The following CACNA1E variants were observed in gnomAD, a reference collection of about 807,000 sequenced individuals.
CACNA1E encodes voltage-dependent R-type calcium channel subunit alpha-1E.
CACNA1E carries 40 observed loss-of-function variants against 259.2 expected under a neutral mutation model. The observed-to-expected ratio is 0.15, with a 90% confidence interval of 0.12 to 0.20. The LOEUF (loss-of-function observed/expected upper bound fraction) is 0.20. Among genes scored for constraint, CACNA1E ranks in the 10% least tolerant of loss-of-function variants. The pLI is 1.00. For missense variants in CACNA1E, 1,874 were observed against 3,040.1 expected (o/e 0.62, Z 9.02); for synonymous variants, 1,104 against 1,138.5 (o/e 0.97, Z 0.61).
At chr1:181,690,650 C>T (rs1167342647) in intron 7 of CACNA1E, among the ~76,000 whole-genome samples, 3 of 152,024 alleles carry the variant, frequency 2.0e-5, no homozygotes, top group Admixed American at 1.3e-4. Flanking sequence ...CTCTTATTTC[C>T]TTGAGCAGTG....
chr1:181,492,953 GTGACCTGAGTAAGTGTCTAGA>G (rs1664445003), intron 1 of CACNA1E, among the ~76,000 whole-genome samples: 2 of 152,262 alleles, frequency 1.3e-5, no homozygotes, highest in South Asian at 2.1e-4. Context: ...TGTCTGAGTA[GTGACCTGAGTAAGTGTCTAGA>G]TGACCTCAGT....
At chr1:181,477,755 G>A (rs559472083) in intron 2 of CACNA1E, among the ~76,000 whole-genome samples, 6 of 152,298 alleles carry the variant, frequency 3.9e-5, no homozygotes, top group South Asian at 2.1e-4. Flanking sequence ...GTGTGTTACC[G>A]TGGTCACAGC....
In CACNA1E at chr1:181,798,495, G is replaced by T. The variant is rs1317052053; in HGVS notation, c.6603G>T (p.Glu2201Asp). 2 of 1,613,806 alleles carry T rather than the reference G, an allele frequency of 1.2e-6. No homozygotes were observed. Among genetic ancestry groups the T allele is most frequent in the East Asian group, 4.5e-5 (2 of 44,884 alleles). Residue 2201 changes from glutamate (E) to aspartate (D), a missense_variant, in exon 48 of 48, where the codon GAG (glutamate) becomes GAT (aspartate). Coordinates refer to ENST00000367573, the MANE Select transcript of CACNA1E (RefSeq NM_001205293.3). This position sits in a 1 kb window ranked among gnomAD's most constrained non-coding sequence, Gnocchi z 4.2. ...CCCCGCTGACCTCCCAAGCTCTGGA[G>T]AGCAACAATGCTTGCCTGACCGAGT... ...EGSPLTSQALESNNACLTESS... is the reference protein window; with the variant it reads ...EGSPLTSQALDSNNACLTESS...
chr1:181,615,289 C>T (rs1050031430), intron 6 of CACNA1E, among the ~76,000 whole-genome samples: 5 of 152,136 alleles, frequency 3.3e-5, no homozygotes, highest in Non-Finnish European at 7.4e-5. Flanking sequence ...CTCCCGGGTT[C>T]GAGCAATTCT....
intron 3 of CACNA1E, among the ~76,000 whole-genome samples, chr1:181,552,496 G>C (rs1177699798): frequency 6.6e-6 from 1 of 151,204 alleles, no homozygotes; most frequent in Admixed American, 6.6e-5. Context: ...ATTAATCACT[G>C]ATCTTTTTTT....
intron 26 of CACNA1E, among the ~76,000 whole-genome samples, chr1:181,751,248 T>C (rs1657569748): frequency 7.2e-6 from 1 of 138,944 alleles, no homozygotes; most frequent in Admixed American, 7.3e-5. Flanking sequence ...CAAATGTATT[T>C]GTTCATTTTA....
At chr1:181,473,767 C>T (rs1272114472) in intron 2 of CACNA1E, among the ~76,000 whole-genome samples, 5 of 152,134 alleles carry the variant, frequency 3.3e-5, no homozygotes, top group Admixed American at 6.5e-5. Flanking sequence ...ATGATATCAG[C>T]GAGATGAATT....
chr1:181,763,745 T>C (rs1015528856), intron 34 of CACNA1E, among the ~76,000 whole-genome samples: 8 of 152,200 alleles, frequency 5.3e-5, no homozygotes, highest in Non-Finnish European at 1.2e-4. Context: ...TAGAATCTTA[T>C]TTTAGAAAAA....
intron 25 of CACNA1E, among the ~76,000 whole-genome samples, chr1:181,742,682 G>C (rs1015387622): frequency 6.6e-6 from 1 of 152,160 alleles, no homozygotes; most frequent in Admixed American, 6.5e-5. Flanking sequence ...TCACCGAGTC[G>C]GGGGAGTGAC....
intron 1 of CACNA1E, among the ~76,000 whole-genome samples, chr1:181,336,157 A>G (rs1002364146): frequency 1.3e-5 from 2 of 152,196 alleles, no homozygotes; most frequent in Admixed American, 6.5e-5. Context: ...GAGTGAAGAT[A>G]GAATCAGTTA....
At chr1:181,410,138 G>A (rs559507188) in intron 1 of CACNA1E, among the ~76,000 whole-genome samples, 16 of 152,252 alleles carry the variant, frequency 1.1e-4, no homozygotes, top group East Asian at 5.8e-4. Context: ...AGGGGTGTGC[G>A]CGTGCATGTG....
At position 181,711,209 on chromosome 1, in the gene CACNA1E, G is replaced by A. The variant is rs907167685; in HGVS notation, c.1171+140G>A. 14 of 644,150 alleles carry A rather than the reference G, an allele frequency of 2.2e-5. No homozygotes were observed. The East Asian group carries it at 3.5e-4, about 16-fold the overall frequency. The allele number at this position is 644,150 out of a possible 1,614,324, so 39.9% of individuals were successfully genotyped here. A position where few individuals can be genotyped will look rare whatever the true frequency, so the allele number is the denominator to read the frequency against. On this transcript the variant is annotated intron_variant, in intron 8 of 47. Coordinates refer to ENST00000367573, the MANE Select transcript of CACNA1E (RefSeq NM_001205293.3). ...TCTGGATGCTTGGTTGGCTCTTAAG[G>A]TTCCCTGCTCATCCGACTTTCTTCC...
chr1:181,748,591 A>G (rs2102645639), intron 25 of CACNA1E, among the ~76,000 whole-genome samples: 1 of 152,316 alleles, frequency 6.6e-6, no homozygotes, highest in Non-Finnish European at 1.5e-5. Flanking sequence ...TCACCTGCCC[A>G]TATATTGATC....
At chr1:181,495,657 A>G (rs1664682522) in intron 1 of CACNA1E, among the ~76,000 whole-genome samples, 1 of 152,148 alleles carries the variant, frequency 6.6e-6, no homozygotes, top group African/African-American at 2.4e-5. Context: ...TGTTTACGTG[A>G]CCTTGCATTG....
intron 39 of CACNA1E, 129 bp downstream of exon 39, chr1:181,781,652 G>A (rs912574823): frequency 3.1e-5 from 21 of 666,994 alleles, no homozygotes; most frequent in Middle Eastern, 2.5e-4. Context: ...GGAAAGGCAC[G>A]ATGAGACTGA....
chr1:181,589,591 C>T (rs911154154), intron 6 of CACNA1E, among the ~76,000 whole-genome samples: 2 of 152,258 alleles, frequency 1.3e-5, no homozygotes, highest in Admixed American at 1.3e-4. Flanking sequence ...TGGTGGCTCA[C>T]ACCTGTAGTC....
At chr1:181,606,177 ACT>A (rs1316285269) in intron 6 of CACNA1E, among the ~76,000 whole-genome samples, 1 of 151,990 alleles carries the variant, frequency 6.6e-6, no homozygotes, top group East Asian at 1.9e-4. Context: ...CCAGCCCAGA[ACT>A]CTCTTCTGAG....
chr1:181,393,289 T>TAATA (rs1656428007), intron 1 of CACNA1E, among the ~76,000 whole-genome samples: 1 of 152,208 alleles, frequency 6.6e-6, no homozygotes, highest in African/African-American at 2.4e-5. Flanking sequence ...GGGTTAATAA[T>TAATA]AATACCTTCC....
chr1:181,625,079 A>C (rs1025646033), intron 6 of CACNA1E, among the ~76,000 whole-genome samples: 2 of 137,396 alleles, frequency 1.5e-5, no homozygotes, highest in African/African-American at 5.4e-5. Flanking sequence ...TGAGAAGCAG[A>C]TCTCAACAGT....
Sources: allele counts gnomAD v4.1 joint callset (sites outside exome capture counted in the v4.1 genomes callset), GRCh38; gene constraint gnomAD v4.1.1; non-coding constraint Gnocchi (gnomAD v3.1); transcripts MANE v1.5; gene names NCBI Gene and HGNC (gene_info 2026-07-23, HGNC 2026-07-21).